The following SYNE2 variants were observed in gnomAD, a reference collection of about 807,000 sequenced individuals.
SYNE2 encodes the protein spectrin repeat containing nuclear envelope protein 2, also known as nesprin-2.
SYNE2 carries 431 observed loss-of-function variants against 856.3 expected under a neutral mutation model. That is an observed-to-expected ratio of 0.50 (90% CI 0.47 to 0.55). The LOEUF is 0.55. Ranked by LOEUF, SYNE2 falls within the 20% of genes least tolerant of loss-of-function variation. The pLI is 0.00. For missense variants in SYNE2, 8,129 were observed against 8,023.2 expected (o/e 1.01, Z -0.50); for synonymous variants, 2,923 against 2,872.3 (o/e 1.02, Z -0.56).
At chr14:63,904,015 A>G (rs921071763) in intron 1 of SYNE2, among the ~76,000 whole-genome samples, 1 of 151,758 alleles carries the variant, frequency 6.6e-6, no homozygotes, top group African/African-American at 2.4e-5. Context: ...TTTTGTTCCC[A>G]TGTTTATGTC....
chr14:63,840,771 G>C (rs1016038907), intron 1 of SYNE2, among the ~76,000 whole-genome samples: 2 of 152,096 alleles, frequency 1.3e-5, no homozygotes, highest in African/African-American at 2.4e-5. Context: ...TCAGCACTTT[G>C]GGAGGCCGAG....
At chr14:63,772,800 G>A (rs1886966709) in intron 1 of SYNE2, among the ~76,000 whole-genome samples, 1 of 151,300 alleles carries the variant, frequency 6.6e-6, no homozygotes, top group Admixed American at 6.6e-5. Flanking sequence ...TTTTGGAGAT[G>A]GAGTTTTGCC....
chr14:63,959,287 C>CTTTTT (rs34198434), intron 8 of SYNE2, among the ~76,000 whole-genome samples: 12 of 81,374 alleles, frequency 1.5e-4, no homozygotes, highest in Non-Finnish European at 2.1e-4. Flanking sequence ...TTTTCTTCTT[C>CTTTTT]TTTTTTTTTT....
intron 64 of SYNE2, among the ~76,000 whole-genome samples, chr14:64,104,512 C>T (rs1271149766): frequency 3.5e-5 from 5 of 143,436 alleles, no homozygotes; most frequent in African/African-American, 1.0e-4. Flanking sequence ...TGCAGTGGTG[C>T]GATCTCAGCT....
Position 64,159,921 on chromosome 14 carries a change from C to T in SYNE2, c.16094+479C>T, listed in dbSNP as rs1163682932. ...CTACTTATGGTGGGATATGAAAGCTCCCTTTAAGGAGTGTGGCCCTAGTTA... is the reference window on the plus strand; with the variant it reads ...CTACTTATGGTGGGATATGAAAGCTTCCTTTAAGGAGTGTGGCCCTAGTTA... On this transcript the variant is annotated intron_variant, in intron 87 of 115. Coordinates refer to ENST00000555002, the MANE Select transcript of SYNE2 (RefSeq NM_182914.3). 3.3e-5 allele frequency among the ~76,000 whole-genome samples: 5 copies of T among 152,188 alleles called. No individual in the cohort carries two copies. The East Asian group carries it at 7.7e-4, about 23-fold the overall frequency.
intron 61 of SYNE2, among the ~76,000 whole-genome samples, chr14:64,097,273 C>T (rs940847329): frequency 4.6e-5 from 7 of 151,930 alleles, no homozygotes; most frequent in African/African-American, 1.7e-4. Context: ...TTTACCTATT[C>T]CTATTTAGTA....
intron 41 of SYNE2, among the ~76,000 whole-genome samples, chr14:64,026,265 C>T (rs1456617792): frequency 1.3e-5 from 2 of 152,284 alleles, no homozygotes; most frequent in East Asian, 3.9e-4. Flanking sequence ...AGATTGTTAT[C>T]ATAACTCTCC....
chr14:63,814,466 T>TCATATATAATATATATGTC (rs57514233), intron 1 of SYNE2, among the ~76,000 whole-genome samples: 80,372 of 132,440 alleles, frequency 0.61, 25,730 homozygotes, highest in South Asian at 0.77. Flanking sequence ...TCCTTATATA[T>TCATATATAATATATATGTC]CATATATAAT....
intron 9 of SYNE2, among the ~76,000 whole-genome samples, chr14:63,962,816 T>C (rs1455014295): frequency 6.6e-6 from 1 of 152,172 alleles, no homozygotes; most frequent in African/African-American, 2.4e-5. Context: ...TGCTGGATTA[T>C]AGGCGAGCCA....
chr14:63,782,324 C>T (rs913850013), intron 1 of SYNE2, among the ~76,000 whole-genome samples: 2 of 151,414 alleles, frequency 1.3e-5, no homozygotes, highest in African/African-American at 2.4e-5. Context: ...AAAAATTAGT[C>T]GGGCCTGTTT....
rs999610655 is a variant in SYNE2, at chr14:63,978,913, T to C, written c.1468T>C (p.Leu490=). Reference sequence around the variant, plus strand: ...TCTAGAATTTCATTACTACAAGTGCTTAGTTCTTGGTTTGGTAGATGAAGT... The same window carrying C: ...TCTAGAATTTCATTACTACAAGTGCCTAGTTCTTGGTTTGGTAGATGAAGT... The part of the protein sequence containing the change: ...LLLEFHYYKC[L]VLGLVDEVKS... Residue 490 remains leucine, a synonymous_variant, in exon 14 of 116, where the codon TTA becomes CTA. Transcript: ENST00000555002. The C allele has an allele frequency of 6.2e-7, 1 of 1,612,710 alleles. No individual in the cohort carries two copies. Among genetic ancestry groups the C allele is most frequent in the African/African-American group, 1.3e-5 (1 of 74,898 alleles).
chr14:63,968,871 A>C (rs1259966237), intron 11 of SYNE2, among the ~76,000 whole-genome samples: 1 of 152,174 alleles, frequency 6.6e-6, no homozygotes, highest in Non-Finnish European at 1.5e-5. Flanking sequence ...GTTATTTTAA[A>C]ATGTACAATT....
intron 1 of SYNE2, among the ~76,000 whole-genome samples, chr14:63,875,546 C>T (rs946627791): frequency 1.3e-5 from 2 of 152,006 alleles, no homozygotes; most frequent in Non-Finnish European, 2.9e-5. Context: ...TGGACTAGCA[C>T]GCCCATGCTG....
Position 63,885,366 on chromosome 14 carries a change from TC to T in SYNE2, c.-51-23729del, listed in dbSNP as rs534171995. ...GAAGTTGGCGAGGCTCTATTTGGTG[TC>T]CCTTGATGTGCTTAGGTCTGGAAAT... On this transcript the variant is annotated intron_variant, in intron 1 of 115. Coordinates refer to ENST00000555002, the MANE Select transcript of SYNE2 (RefSeq NM_182914.3). Among the ~76,000 whole-genome samples, 10 of 152,284 alleles carry T rather than the reference TC, an allele frequency of 6.6e-5. No homozygotes were observed. In the South Asian group the frequency reaches 1.9e-3, roughly 28 times the overall value.
At chr14:64,022,142 T>A in intron 37 of SYNE2, 114 bp downstream of exon 37, 1 of 958,456 alleles carries the variant, frequency 1.0e-6, no homozygotes. Context: ...ACAGACTACA[T>A]TCAAGGAAAT....
chr14:64,219,096 GTTTTTTTGTTTTTTT>G, intron 109 of SYNE2, 97 bp from the exon 110 acceptor site: 5 of 758,460 alleles, frequency 6.6e-6, no homozygotes, highest in Non-Finnish European at 9.6e-6. Flanking sequence ...ATCCCCTACA[GTTTTTTTGTTTTTTT>G]TTTTTTTTTT....
intron 54 of SYNE2, 38 bp from the exon 55 acceptor site, chr14:64,078,428 A>T: frequency 6.2e-7 from 1 of 1,611,354 alleles, no homozygotes; most frequent in Non-Finnish European, 8.5e-7. Flanking sequence ...AGTGCAGACA[A>T]CCTCTCTAAG....
chr14:63,796,266 C>G (rs1057017824), intron 1 of SYNE2, among the ~76,000 whole-genome samples: 3 of 152,218 alleles, frequency 2.0e-5, no homozygotes, highest in African/African-American at 7.2e-5. Flanking sequence ...TGAGACCAGC[C>G]TGGTCAACAT....
chr14:64,125,323 T>G, intron 71 of SYNE2, 113 bp downstream of exon 71: 1 of 1,444,810 alleles, frequency 6.9e-7, no homozygotes, highest in Non-Finnish European at 9.5e-7. Flanking sequence ...GAACACATAA[T>G]GGAATGGGTC....
Sources: allele counts gnomAD v4.1 joint callset (sites outside exome capture counted in the v4.1 genomes callset), GRCh38; gene constraint gnomAD v4.1.1; transcripts MANE v1.5; gene names NCBI Gene and HGNC (gene_info 2026-07-23, HGNC 2026-07-21).